Variants in ZNF407 observed in about 807,000 individuals in gnomAD.
The protein encoded by ZNF407 is zinc finger protein 407.
In ZNF407, 17 loss-of-function variants were observed where a neutral mutation model predicts 131.2. That is an observed-to-expected ratio of 0.13 (90% CI 0.09 to 0.19). ZNF407 has a LOEUF of 0.19. Ranked by LOEUF, ZNF407 falls within the 10% of genes least tolerant of loss-of-function variation. The probability of loss-of-function intolerance (pLI) is 1.00; values close to 1 mark genes in which losing one functional copy is unlikely to be tolerated. For missense variants in ZNF407, 2,681 were observed against 2,830.6 expected, an observed-to-expected ratio of 0.95 and a Z score of 1.20; for synonymous variants, 1,156 against 1,062.0, an observed-to-expected ratio of 1.09 and a Z score of -1.72.
intron 4 of ZNF407, among the ~76,000 whole-genome samples, chr18:74,834,847 G>C (rs1161506329): frequency 6.6e-6 from 1 of 152,192 alleles, no homozygotes; most frequent in African/African-American, 2.4e-5. Context: ...ATGCCTTCCA[G>C]AGTTCATAGT....
chr18:74,962,935 T>TA (rs1972364315), intron 8 of ZNF407, among the ~76,000 whole-genome samples: 1 of 152,246 alleles, frequency 6.6e-6, no homozygotes. Context: ...CTGGAAATCT[T>TA]ATTCACCTGA....
intron 4 of ZNF407, among the ~76,000 whole-genome samples, chr18:74,869,115 A>G (rs1971052504): frequency 6.6e-6 from 1 of 152,218 alleles, no homozygotes; most frequent in Non-Finnish European, 1.5e-5. Flanking sequence ...ATTGAAATAC[A>G]TTTTATCTTT....
At chr18:74,987,570 C>A (rs1174737593) in intron 8 of ZNF407, among the ~76,000 whole-genome samples, 2 of 152,000 alleles carry the variant, frequency 1.3e-5, no homozygotes, top group Non-Finnish European at 2.9e-5. Flanking sequence ...AAATAAAATT[C>A]TTGAAGAGAG....
At chr18:74,973,044 G>A (rs762198598) in intron 8 of ZNF407, among the ~76,000 whole-genome samples, 15 of 151,818 alleles carry the variant, frequency 9.9e-5, no homozygotes, top group Non-Finnish European at 2.1e-4. Context: ...GCCTGCTTGC[G>A]GTTTACTTGA....
rs142381202 is a variant in ZNF407, at chr18:74,921,127, C to T, written c.5428+435C>T. 8.7e-5 allele frequency: 55 copies of T among 631,214 alleles called. No homozygotes were observed. The African/African-American group carries it at 9.9e-4, about 11-fold the overall frequency. The allele number at this position is 631,214 out of a possible 1,614,324, so 39.1% of individuals were successfully genotyped here. A position where few individuals can be genotyped will look rare whatever the true frequency, so the allele number is the denominator to read the frequency against. On this transcript the variant is annotated intron_variant, in intron 8 of 8. Transcript: ENST00000299687. ...CTAGAAAGAATGTGACCTGCGACCA[C>T]GACCACGGAGTCAAGCGTAGTGGGT...
intron 8 of ZNF407, among the ~76,000 whole-genome samples, chr18:74,973,122 T>C (rs1972490767): frequency 6.8e-6 from 1 of 147,954 alleles, no homozygotes; most frequent in Non-Finnish European, 1.5e-5. Context: ...GTGATTATTC[T>C]AGGTTTTATA....
At chr18:74,815,678 G>A (rs969037237) in intron 4 of ZNF407, among the ~76,000 whole-genome samples, 1 of 152,030 alleles carries the variant, frequency 6.6e-6, no homozygotes, top group African/African-American at 2.4e-5. Flanking sequence ...TCAGTAACTT[G>A]CCTGAGTTCA....
chr18:74,998,455 T>C (rs1006955556), intron 8 of ZNF407, among the ~76,000 whole-genome samples: 4 of 152,216 alleles, frequency 2.6e-5, no homozygotes, highest in Non-Finnish European at 5.9e-5. Flanking sequence ...CACTTTTCCA[T>C]ATAATGCTTT....
At chr18:74,771,788 T>G (rs1457885821) in intron 3 of ZNF407, among the ~76,000 whole-genome samples, 1 of 152,056 alleles carries the variant, frequency 6.6e-6, no homozygotes, top group Non-Finnish European at 1.5e-5. Flanking sequence ...AGGTCATTAA[T>G]TTTTAGTTTT....
chr18:74,634,173 G>A lies in ZNF407; in HGVS notation c.3154G>A (p.Asp1052Asn), dbSNP rs759340497. The change falls in exon 2 of 9, where the codon GAT becomes AAT. Residue 1052 changes from aspartate to asparagine, a missense_variant. Asp to Asn is a conservative substitution (Grantham distance 23). Transcript: ENST00000299687. The stretch of plus-strand genomic sequence containing the variant: ...GTTTGAGTTTTATTGCATGGCATGC[G>A]ATTACTACGCGGTGACTCGTCGCGA... ...KEFEFYCMAC[D>N]YYAVTRREMT... 9.3e-6 allele frequency: 15 copies of A among 1,614,030 alleles called. No individual in the cohort carries two copies. The highest frequency in any genetic ancestry group is 3.3e-5 in the South Asian group (3 of 91,064).
chr18:74,841,242 G>T (rs1199647609), intron 4 of ZNF407, among the ~76,000 whole-genome samples: 1 of 152,102 alleles, frequency 6.6e-6, no homozygotes, highest in Admixed American at 6.5e-5. Context: ...CATTCTTTTC[G>T]TAGGCTGAAA....
intron 2 of ZNF407, among the ~76,000 whole-genome samples, chr18:74,638,920 T>G (rs1984585593): frequency 6.6e-6 from 1 of 152,150 alleles, no homozygotes; most frequent in African/African-American, 2.4e-5. Context: ...GGGCCCTTTT[T>G]TTTTCTTTAA....
intron 4 of ZNF407, among the ~76,000 whole-genome samples, chr18:74,805,904 G>A (rs1970101958): frequency 6.6e-6 from 1 of 152,128 alleles, no homozygotes. Context: ...TTGACTTCTC[G>A]ACTCGTCCTC....
intron 8 of ZNF407, among the ~76,000 whole-genome samples, chr18:74,999,375 A>AAAAAAAAC (rs1972818631): frequency 7.3e-6 from 1 of 136,332 alleles, no homozygotes; most frequent in African/African-American, 2.7e-5. Flanking sequence ...AAAAAAAAAA[A>AAAAAAAAC]CAAAGGTAAA....
chr18:74,877,973 C>T (rs1971182747), intron 5 of ZNF407, among the ~76,000 whole-genome samples: 1 of 152,184 alleles, frequency 6.6e-6, no homozygotes, highest in African/African-American at 2.4e-5. Flanking sequence ...AATTCACATA[C>T]ATTTCACATC....
At chr18:74,842,165 T>C (rs957865743) in intron 4 of ZNF407, among the ~76,000 whole-genome samples, 1 of 152,170 alleles carries the variant, frequency 6.6e-6, no homozygotes, top group African/African-American at 2.4e-5. Flanking sequence ...TGTAGGCTCT[T>C]TCAGATCCTA....
intron 8 of ZNF407, among the ~76,000 whole-genome samples, chr18:74,940,001 G>C (rs1972078937): frequency 1.3e-5 from 2 of 152,128 alleles, no homozygotes; most frequent in Admixed American, 6.5e-5. Flanking sequence ...TCTTGGTCAT[G>C]GATTTCATGA....
At chr18:74,962,192 A>G (rs894428709) in intron 8 of ZNF407, among the ~76,000 whole-genome samples, 1 of 152,140 alleles carries the variant, frequency 6.6e-6, no homozygotes, top group Non-Finnish European at 1.5e-5. Context: ...TTTTCATGTC[A>G]TTGAAATGGA....
intron 7 of ZNF407, among the ~76,000 whole-genome samples, chr18:74,919,851 G>A (rs555910153): frequency 7.2e-5 from 11 of 152,244 alleles, no homozygotes; most frequent in South Asian, 2.1e-4. Context: ...CTAATTCTGC[G>A]GGAAAGCACT....
Sources: allele counts gnomAD v4.1 joint callset (sites outside exome capture counted in the v4.1 genomes callset), GRCh38; gene constraint gnomAD v4.1.1; transcripts MANE v1.5; gene names NCBI Gene and HGNC (gene_info 2026-07-23, HGNC 2026-07-21).